PPP1R12B: variants seen among roughly 807,000 people sequenced by gnomAD.
The protein encoded by PPP1R12B is myosin phosphatase target subunit 2.
A neutral mutation model predicts 126.1 loss-of-function variants in PPP1R12B; 76 were observed. The ratio of observed to expected loss-of-function variants is 0.60; its 90% CI spans 0.50 to 0.73. The LOEUF (loss-of-function observed/expected upper bound fraction) is 0.73, where lower values mean the gene tolerates loss of function less well. Ranked by LOEUF, PPP1R12B falls within the 30% of genes least tolerant of loss-of-function variation. PPP1R12B has a pLI of 0.00. For synonymous variants in PPP1R12B, 356 were observed against 434.7 expected, an observed-to-expected ratio of 0.82 and a Z score of 2.25; for missense variants, 1,052 against 1,205.1, an observed-to-expected ratio of 0.87 and a Z score of 1.88.
At chr1:202,448,925 C>G (rs1672593093) in intron 12 of PPP1R12B, 64 bp from the exon 13 acceptor site, 1 of 1,500,566 alleles carries the variant, frequency 6.7e-7, no homozygotes. Flanking sequence ...TGTCTCTGTG[C>G]CAGTGCTTTG....
intron 3 of PPP1R12B, among the ~76,000 whole-genome samples, chr1:202,424,603 A>G (rs1669260250): frequency 6.6e-6 from 1 of 152,162 alleles, no homozygotes; most frequent in Non-Finnish European, 1.5e-5. Context: ...GATTACAGGC[A>G]TGAGACACCG....
chr1:202,433,612 C>T (rs563637890), intron 8 of PPP1R12B, among the ~76,000 whole-genome samples: 91 of 152,316 alleles, frequency 6.0e-4, no homozygotes, highest in African/African-American at 2.0e-3. Context: ...CTCAAACCTG[C>T]CCTGAGCTTT....
chr1:202,389,618 A>G (rs1026695761), intron 1 of PPP1R12B, among the ~76,000 whole-genome samples: 1 of 149,884 alleles, frequency 6.7e-6, no homozygotes, highest in African/African-American at 2.5e-5. Flanking sequence ...AATGGGAAGT[A>G]GTTAAGTAAT....
intron 4 of PPP1R12B, among the ~76,000 whole-genome samples, chr1:202,426,815 A>G (rs1488149853): frequency 2.6e-5 from 4 of 152,222 alleles, no homozygotes; most frequent in African/African-American, 7.2e-5. Flanking sequence ...GGATATGCCT[A>G]GGAAATATCT....
At chr1:202,359,445 G>A (rs1657746316) in intron 1 of PPP1R12B, among the ~76,000 whole-genome samples, 2 of 151,092 alleles carry the variant, frequency 1.3e-5, no homozygotes, top group African/African-American at 4.9e-5. Context: ...TATTTTATTT[G>A]TAAATATTTC....
intron 13 of PPP1R12B, among the ~76,000 whole-genome samples, chr1:202,454,441 T>G (rs1427890963): frequency 6.6e-6 from 1 of 152,230 alleles, no homozygotes; most frequent in Non-Finnish European, 1.5e-5. Context: ...AAATACTTAC[T>G]GAATATTTTA....
chr1:202,473,257 A>G (rs1806606), intron 13 of PPP1R12B, among the ~76,000 whole-genome samples: 62,269 of 152,156 alleles, frequency 0.41, 14,753 homozygotes, highest in East Asian at 0.69. Context: ...TGTGACACAT[A>G]TTAGATCTAG....
intron 13 of PPP1R12B, among the ~76,000 whole-genome samples, chr1:202,474,525 G>A (rs746851736): frequency 3.3e-5 from 5 of 151,890 alleles, no homozygotes; most frequent in Non-Finnish European, 5.9e-5. Context: ...TAATCTGCCC[G>A]CCTCGGCCTC....
At chr1:202,542,783 A>T (rs911043246) in intron 18 of PPP1R12B, among the ~76,000 whole-genome samples, 1 of 152,168 alleles carries the variant, frequency 6.6e-6, no homozygotes, top group African/African-American at 2.4e-5. Context: ...GAAATGCTTG[A>T]GTCTTTACAG....
At position 202,422,642 on chromosome 1, in the gene PPP1R12B, A is replaced by G. The variant is rs1420432176; in HGVS notation, c.445A>G (p.Ser149Gly). 6.8e-6 allele frequency: 11 copies of G among 1,613,770 alleles called. No individual in the cohort carries two copies. The highest frequency in any genetic ancestry group is 8.5e-6 in the Non-Finnish European group (10 of 1,179,712). The part of the protein sequence containing the change: ...IAEYFINHGA[S>G]VGIVNSEGEV... ...CAGGTATTTCATTAATCACGGAGCCAGTGTAGGTATTGTCAATAGTGAAGG... is the reference window on the plus strand; with the variant it reads ...CAGGTATTTCATTAATCACGGAGCCGGTGTAGGTATTGTCAATAGTGAAGG... The change falls in exon 3 of 24, where the codon AGT becomes GGT. Residue 149 changes from serine to glycine, a missense_variant. By Grantham distance (56) the Ser-to-Gly change is moderately conservative (BLOSUM62 0). Transcript: ENST00000608999.
intron 2 of PPP1R12B, among the ~76,000 whole-genome samples, chr1:202,420,967 C>CTTTTTTTTTTTTTTTTTTTT (rs56164548): frequency 3.4e-5 from 4 of 118,570 alleles, no homozygotes; most frequent in African/African-American, 1.0e-4. Context: ...CCTCTGCCAA[C>CTTTTTTTTTTTTTTTTTTTT]TTTTTTTTTT....
Position 202,508,277 on chromosome 1 carries a change from G to A in PPP1R12B, c.2490+11455G>A, listed in dbSNP as rs1282087741. 6.6e-6 allele frequency among the ~76,000 whole-genome samples: 1 copy of A among 152,150 alleles called. No individual in the cohort carries two copies. Among genetic ancestry groups the A allele is most frequent in the Non-Finnish European group, 1.5e-5 (1 of 68,026 alleles). ...GTATGATCCTTTAAGGTACATAAATGTTCACACAGATGTGCCTTCATAGAA... is the reference window on the plus strand; with the variant it reads ...GTATGATCCTTTAAGGTACATAAATATTCACACAGATGTGCCTTCATAGAA... On this transcript the variant is annotated intron_variant, in intron 18 of 23. Transcript: ENST00000608999. This position sits in a 1 kb window ranked among gnomAD's most constrained non-coding sequence, Gnocchi z 4.5.
intron 1 of PPP1R12B, among the ~76,000 whole-genome samples, chr1:202,386,805 A>T (rs1378556493): frequency 6.6e-6 from 1 of 151,856 alleles, no homozygotes; most frequent in African/African-American, 2.4e-5. Context: ...ATAATATGCT[A>T]GTCTTCATGA....
rs780651929 is a variant in PPP1R12B, at chr1:202,495,397, A to G, written c.2250A>G (p.Leu750=). ...RPSLYTSSHL[L]WTNRFSVPDS... Reference sequence around the variant, plus strand: ...CACTCTACACCAGTTCCCACCTGCTATGGACAAATAGATTTTCAGTCCCTG... The same window carrying G: ...CACTCTACACCAGTTCCCACCTGCTGTGGACAAATAGATTTTCAGTCCCTG... Residue 750 remains leucine, a synonymous_variant, in exon 16 of 24, where the codon CTA becomes CTG. Transcript: ENST00000608999. The G allele has an allele frequency of 2.7e-5, 44 of 1,611,534 alleles. No individual in the cohort carries two copies. The highest frequency in any genetic ancestry group is 3.5e-5 in the Non-Finnish European group (41 of 1,178,494).
chr1:202,489,182 C>T (rs951521871), intron 14 of PPP1R12B, among the ~76,000 whole-genome samples: 4 of 152,214 alleles, frequency 2.6e-5, no homozygotes, highest in African/African-American at 7.2e-5. Flanking sequence ...ACCAATATTC[C>T]TCCAGGCTTA....
At chr1:202,546,156 G>T (rs1685634122) in intron 18 of PPP1R12B, among the ~76,000 whole-genome samples, 1 of 152,190 alleles carries the variant, frequency 6.6e-6, no homozygotes, top group African/African-American at 2.4e-5. Flanking sequence ...CCTAGGCAGA[G>T]ATATTTTTTC....
chr1:202,469,852 T>C (rs898406837), intron 13 of PPP1R12B, among the ~76,000 whole-genome samples: 1 of 152,352 alleles, frequency 6.6e-6, no homozygotes, highest in South Asian at 2.1e-4. Flanking sequence ...CTTTCCTTCA[T>C]AATCTGAGCT....
At chr1:202,397,584 A>T (rs1052650179) in intron 1 of PPP1R12B, among the ~76,000 whole-genome samples, 2 of 152,176 alleles carry the variant, frequency 1.3e-5, no homozygotes, top group African/African-American at 4.8e-5. Context: ...ACACATGGGG[A>T]TATATTTAAA....
rs752223121 is a variant in PPP1R12B at position 202,437,994 on chromosome 1, G to T, written c.1428G>T (p.Arg476=). Residue 476 remains arginine (R), a synonymous_variant, in exon 10 of 24, where the codon CGG becomes CGT. Coordinates refer to ENST00000608999, the MANE Select transcript of PPP1R12B (RefSeq NM_002481.4). ...TCTATCGCTCCTCTTCAAGCCCTCG[G>T]ATTTCTGCTCTACTGGACAACAAAG... ...SSIYRSSSSP[R]ISALLDNKDK... is the part of the protein sequence containing the mutation. 8 of 1,614,042 alleles carry T rather than the reference G, an allele frequency of 5.0e-6. No individual in the cohort carries two copies. In the Admixed American group the frequency reaches 6.7e-5, roughly 13 times the overall value.
Sources: gnomAD v4.1 joint callset for allele counts (sites outside exome capture counted in the v4.1 genomes callset) on GRCh38, gnomAD v4.1.1 for gene constraint, Gnocchi (gnomAD v3.1) non-coding constraint, MANE v1.5 for transcripts, NCBI Gene and HGNC (gene_info 2026-07-23, HGNC 2026-07-21) for gene names.